Variants in RSU1 observed in about 807,000 individuals in gnomAD.
The protein encoded by RSU1 is Ras suppressor protein 1, also known as rsu-1.
Under a neutral mutation model 31.1 loss-of-function variants are expected in RSU1, and 26 were observed. The observed-to-expected ratio is 0.84, with a 90% CI of 0.61 to 1.16. The LOEUF is 1.16. RSU1 is among the 50% of genes most tolerant of loss of function. The probability of loss-of-function intolerance (pLI) is 0.00; values close to 1 mark genes in which losing one functional copy is unlikely to be tolerated. For missense variants in RSU1, 320 were observed against 339.1 expected (o/e 0.94, Z 0.44); for synonymous variants, 164 against 136.3 (o/e 1.20, Z -1.41).
chr10:16,806,739 A>G (rs1838277429), intron 2 of RSU1, among the ~76,000 whole-genome samples: 1 of 152,156 alleles, frequency 6.6e-6, no homozygotes, highest in Non-Finnish European at 1.5e-5. Context: ...TAAAGACTTA[A>G]GCATTTACAG....
rs1182816373 is a variant in RSU1 at position 16,658,242 on chromosome 10, AAG to A, written c.731+36779_731+36780del. On this transcript the variant is annotated intron_variant, in intron 8 of 8. Coordinates refer to ENST00000345264, the MANE Select transcript of RSU1 (RefSeq NM_012425.4). Reference sequence around the variant, plus strand: ...ATAGAAATAAAAGCAGAATATATCTAAGAGGGCTATTCCTTAAGGTTCTCTTT... The same window carrying A: ...ATAGAAATAAAAGCAGAATATATCTAAGGGCTATTCCTTAAGGTTCTCTTT... Among the ~76,000 whole-genome samples, 12 of 152,322 alleles carry A rather than the reference AAG, an allele frequency of 7.9e-5. No homozygotes were observed. In the South Asian group the frequency reaches 1.5e-3, roughly 18 times the overall value.
At chr10:16,617,801 C>T (rs1184052104) in intron 8 of RSU1, among the ~76,000 whole-genome samples, 1 of 152,134 alleles carries the variant, frequency 6.6e-6, no homozygotes, top group East Asian at 1.9e-4. Context: ...AGAAACCAGA[C>T]CCCTTCCTTA....
intron 7 of RSU1, among the ~76,000 whole-genome samples, chr10:16,702,385 C>T (rs1034385439): frequency 2.3e-4 from 35 of 152,346 alleles, no homozygotes; most frequent in African/African-American, 8.2e-4. Flanking sequence ...AGGCTGAACC[C>T]TGCACCGGGA....
intron 7 of RSU1, among the ~76,000 whole-genome samples, chr10:16,751,557 G>T (rs1055029490): frequency 7.9e-5 from 12 of 152,150 alleles, no homozygotes; most frequent in African/African-American, 2.4e-4. Context: ...TGTCATCCAA[G>T]GTCCTTGCTT....
chr10:16,673,253 A>G (rs1190181978), intron 8 of RSU1, among the ~76,000 whole-genome samples: 9 of 152,142 alleles, frequency 5.9e-5, no homozygotes, highest in Non-Finnish European at 1.2e-4. Flanking sequence ...TGTGGTTCTG[A>G]CAATTGCTGT....
intron 8 of RSU1, among the ~76,000 whole-genome samples, chr10:16,692,401 A>G (rs992859220): frequency 4.6e-5 from 7 of 151,950 alleles, no homozygotes; most frequent in African/African-American, 1.7e-4. Context: ...CTCATCCTCT[A>G]TAAATTATAA....
At chr10:16,796,128 G>C (rs1032344393) in intron 2 of RSU1, among the ~76,000 whole-genome samples, 1 of 152,060 alleles carries the variant, frequency 6.6e-6, no homozygotes, top group African/African-American at 2.4e-5. Context: ...AGAAGACCAT[G>C]GTGTGCCACC....
intron 7 of RSU1, among the ~76,000 whole-genome samples, chr10:16,697,489 C>T (rs1835701724): frequency 6.6e-6 from 1 of 151,942 alleles, no homozygotes; most frequent in Non-Finnish European, 1.5e-5. Context: ...CATGGCAAAA[C>T]CCAGTCTCTG....
intron 3 of RSU1, among the ~76,000 whole-genome samples, chr10:16,775,216 A>T (rs1184116448): frequency 6.9e-6 from 1 of 144,852 alleles, no homozygotes; most frequent in Non-Finnish European, 1.5e-5. Flanking sequence ...ATATTTTGCT[A>T]TTAAATCAAT....
chr10:16,601,828 G>C (rs1161304084), intron 8 of RSU1, among the ~76,000 whole-genome samples: 1 of 152,134 alleles, frequency 6.6e-6, no homozygotes, highest in Non-Finnish European at 1.5e-5. Context: ...GAGTGAGTGT[G>C]AGTTCTGCCA....
intron 2 of RSU1, among the ~76,000 whole-genome samples, chr10:16,793,126 C>T (rs1242942014): frequency 2.0e-5 from 3 of 152,110 alleles, no homozygotes; most frequent in Non-Finnish European, 4.4e-5. Context: ...AAAAAGCTTT[C>T]TTCTGAATTT....
chr10:16,602,322 A>G (rs1408856271), intron 8 of RSU1, among the ~76,000 whole-genome samples: 1 of 152,204 alleles, frequency 6.6e-6, no homozygotes. Flanking sequence ...TTTCCAATGC[A>G]GCTAACGTGC....
chr10:16,742,523 C>A (rs907236397), intron 7 of RSU1, among the ~76,000 whole-genome samples: 3 of 151,692 alleles, frequency 2.0e-5, no homozygotes, highest in Admixed American at 6.6e-5. Flanking sequence ...ATAGGAGATG[C>A]CTCAAAGGGA....
At chr10:16,714,560 T>C (rs1018709157) in intron 7 of RSU1, among the ~76,000 whole-genome samples, 2 of 152,024 alleles carry the variant, frequency 1.3e-5, no homozygotes, top group African/African-American at 4.8e-5. Flanking sequence ...ATTGGCTGAC[T>C]GTTCAGTGAC....
At chr10:16,663,196 T>C (rs764789441) in intron 8 of RSU1, among the ~76,000 whole-genome samples, 1 of 151,842 alleles carries the variant, frequency 6.6e-6, no homozygotes, top group Non-Finnish European at 1.5e-5. Flanking sequence ...TTCTGAAAAA[T>C]TTTTTCAAGG....
chr10:16,757,193 C>A (rs183629914), intron 4 of RSU1, among the ~76,000 whole-genome samples: 13 of 151,834 alleles, frequency 8.6e-5, no homozygotes, highest in African/African-American at 2.9e-4. Context: ...TTTCTTCAAG[C>A]CCCTTATTTT....
chr10:16,790,367 G>C (rs1204264225), intron 2 of RSU1, among the ~76,000 whole-genome samples: 1 of 152,086 alleles, frequency 6.6e-6, no homozygotes, highest in East Asian at 1.9e-4. Flanking sequence ...TAAGCTACAC[G>C]ACCACACAAC....
intron 3 of RSU1, among the ~76,000 whole-genome samples, chr10:16,775,395 T>C (rs1233327495): frequency 6.6e-6 from 1 of 152,134 alleles, no homozygotes; most frequent in Admixed American, 6.6e-5. Flanking sequence ...TGGTTCCATT[T>C]AAAAATATAT....
At chr10:16,627,362 A>C (rs911661664) in intron 8 of RSU1, among the ~76,000 whole-genome samples, 22 of 152,224 alleles carry the variant, frequency 1.4e-4, no homozygotes, top group Non-Finnish European at 3.2e-4. Flanking sequence ...TATGTTAGCT[A>C]CAAGATCTAT....
Sources: allele counts gnomAD v4.1 joint callset (sites outside exome capture counted in the v4.1 genomes callset), GRCh38; gene constraint gnomAD v4.1.1; transcripts MANE v1.5; gene names NCBI Gene and HGNC (gene_info 2026-07-23, HGNC 2026-07-21).